ENTHD1: variants seen among roughly 807,000 people sequenced by gnomAD.
ENTHD1 encodes the protein ENTH domain-containing protein 1.
ENTHD1 carries 23 observed loss-of-function variants against 39.1 expected under a neutral mutation model. The ratio of observed to expected loss-of-function variants is 0.59; its 90% CI spans 0.42 to 0.83. ENTHD1 has a LOEUF of 0.83. ENTHD1 is among the 40% of genes least tolerant of loss of function. ENTHD1 has a pLI of 0.00. For synonymous variants in ENTHD1, 230 were observed against 258.2 expected (o/e 0.89, Z 1.05); for missense variants, 624 against 705.4 (o/e 0.88, Z 1.31).
chr22:39,767,275 C>T (rs1233671400), intron 5 of ENTHD1, among the ~76,000 whole-genome samples: 3 of 152,140 alleles, frequency 2.0e-5, no homozygotes, highest in Non-Finnish European at 4.4e-5. Flanking sequence ...AAGAACCTCT[C>T]CTAAAATATT....
At chr22:39,790,667 A>G (rs1375516270) in intron 5 of ENTHD1, among the ~76,000 whole-genome samples, 6 of 152,192 alleles carry the variant, frequency 3.9e-5, no homozygotes, top group Non-Finnish European at 7.3e-5. Context: ...CCAAAGAGCT[A>G]CTGGTCAGAT....
intron 3 of ENTHD1, among the ~76,000 whole-genome samples, chr22:39,846,372 T>A (rs889730571): frequency 6.6e-6 from 1 of 151,846 alleles, no homozygotes; most frequent in African/African-American, 2.4e-5. Context: ...AGCTAATTTG[T>A]TTTTTTTCTT....
At chr22:39,886,493 T>G (rs938917024) in intron 2 of ENTHD1, among the ~76,000 whole-genome samples, 1 of 152,186 alleles carries the variant, frequency 6.6e-6, no homozygotes, top group Non-Finnish European at 1.5e-5. Context: ...TGTGTCTGAG[T>G]GGGGAAGGGT....
At chr22:39,866,569 A>G (rs2066183185) in intron 2 of ENTHD1, among the ~76,000 whole-genome samples, 1 of 152,198 alleles carries the variant, frequency 6.6e-6, no homozygotes, top group Non-Finnish European at 1.5e-5. Flanking sequence ...CTCTGCACAG[A>G]CATTAGGGCA....
Position 39,887,612 on chromosome 22 carries a change from T to C in ENTHD1, c.137A>G (p.Asn46Ser), listed in dbSNP as rs766217324. 6.2e-7 allele frequency: 1 copy of C among 1,614,154 alleles called. No individual in the cohort carries two copies. Among genetic ancestry groups the C allele is most frequent in the Admixed American group, 1.7e-5 (1 of 60,032 alleles). ...CATAATCTCTGAGAGAGAAATTGTGTTGAAAGTCAAGTCACTGATATCTAA... is the reference window on the plus strand; with the variant it reads ...CATAATCTCTGAGAGAGAAATTGTGCTGAAAGTCAAGTCACTGATATCTAA... ...LMLDISDLTF[N>S]TISLSEIMNM... is the part of the protein sequence containing the mutation. The change falls in exon 2 of 7, where the codon AAC (asparagine) becomes AGC (serine). Residue 46 changes from asparagine (N) to serine (S), a missense_variant. Transcript: ENST00000325157.
chr22:39,752,551 A>G (rs1043168576), intron 6 of ENTHD1, among the ~76,000 whole-genome samples: 9 of 152,244 alleles, frequency 5.9e-5, no homozygotes, highest in African/African-American at 2.2e-4. Context: ...TTTATGGTAC[A>G]TTAATTAGAT....
At chr22:39,886,222 T>C (rs1319431956) in intron 2 of ENTHD1, among the ~76,000 whole-genome samples, 1 of 151,916 alleles carries the variant, frequency 6.6e-6, no homozygotes, top group Non-Finnish European at 1.5e-5. Context: ...ACTATAGAGA[T>C]GATAAAAAGA....
chr22:39,852,245 C>T lies in ENTHD1; in HGVS notation c.592+9520G>A, dbSNP rs543976917. On this transcript the variant is annotated intron_variant, in intron 3 of 6. Coordinates refer to ENST00000325157, the MANE Select transcript of ENTHD1 (RefSeq NM_152512.4). ...CCTGCAGTCCCAGCTACTTGGGAGG[C>T]TGAGGTAGGAGAATCACCTGAGCCC... 5.3e-5 allele frequency among the ~76,000 whole-genome samples: 8 copies of T among 151,848 alleles called. No homozygotes were observed. In the South Asian group the frequency reaches 1.7e-3, roughly 32 times the overall value.
chr22:39,772,071 C>A (rs2065330681), intron 5 of ENTHD1, among the ~76,000 whole-genome samples: 1 of 152,092 alleles, frequency 6.6e-6, no homozygotes, highest in Non-Finnish European at 1.5e-5. Context: ...AGTCCCCAAG[C>A]TTTTTGGCAC....
chr22:39,834,529 G>A (rs1159118662), intron 4 of ENTHD1, among the ~76,000 whole-genome samples: 1 of 152,170 alleles, frequency 6.6e-6, no homozygotes, highest in East Asian at 1.9e-4. Flanking sequence ...TTTATGCATT[G>A]CTCATGGGAA....
chr22:39,820,038 C>T (rs2065769188), intron 5 of ENTHD1, among the ~76,000 whole-genome samples: 1 of 152,154 alleles, frequency 6.6e-6, no homozygotes, highest in African/African-American at 2.4e-5. Flanking sequence ...GTGACTAATG[C>T]CATCCTTATA....
intron 6 of ENTHD1, among the ~76,000 whole-genome samples, chr22:39,749,377 C>A (rs1160900414): frequency 6.6e-6 from 1 of 152,150 alleles, no homozygotes; most frequent in East Asian, 1.9e-4. Context: ...TGAAGATAGC[C>A]CTGATGAAAT....
At position 39,867,164 on chromosome 22, in the gene ENTHD1, A is replaced by C. The variant is rs550527831; in HGVS notation, c.350-5157T>G. ...ACGATCCACCCACCTCAGCCTCCCA[A>C]AGTGCTGGGATTACAGGCGTGAGCC... On this transcript the variant is annotated intron_variant, in intron 2 of 6. Coordinates refer to ENST00000325157, the MANE Select transcript of ENTHD1 (RefSeq NM_152512.4). The surrounding 1 kb of genome is among the most constrained non-coding windows in gnomAD (Gnocchi z 4.5). Among the ~76,000 whole-genome samples the C allele has an allele frequency of 3.3e-5, 5 of 152,132 alleles. No individual in the cohort carries two copies. The highest frequency in any genetic ancestry group is 2.0e-4 in the Admixed American group (3 of 15,270).
At chr22:39,871,766 G>A (rs2066245817) in intron 2 of ENTHD1, among the ~76,000 whole-genome samples, 1 of 152,128 alleles carries the variant, frequency 6.6e-6, no homozygotes. Context: ...GATTACATTT[G>A]TTGAAAAGGA....
At chr22:39,886,715 T>C (rs150491878) in intron 2 of ENTHD1, among the ~76,000 whole-genome samples, 2 of 152,300 alleles carry the variant, frequency 1.3e-5, no homozygotes, top group Non-Finnish European at 2.9e-5. Context: ...CACTGTAGAA[T>C]ATCAGGCACT....
At chr22:39,866,715 T>A (rs534293804) in intron 2 of ENTHD1, among the ~76,000 whole-genome samples, 1 of 152,246 alleles carries the variant, frequency 6.6e-6, no homozygotes, top group East Asian at 1.9e-4. Context: ...ACTGTCACAG[T>A]ACCTTACCCT....
intron 6 of ENTHD1, among the ~76,000 whole-genome samples, chr22:39,747,462 T>C (rs2065114450): frequency 6.6e-6 from 1 of 152,216 alleles, no homozygotes; most frequent in African/African-American, 2.4e-5. Flanking sequence ...TCATAGAATA[T>C]GATCTTAATC....
chr22:39,884,260 C>T (rs2066363277), intron 2 of ENTHD1, among the ~76,000 whole-genome samples: 1 of 151,850 alleles, frequency 6.6e-6, no homozygotes, highest in Non-Finnish European at 1.5e-5. Flanking sequence ...CTCACTGCAA[C>T]CTTCACCTCC....
At chr22:39,828,444 T>G (rs376819742) in intron 4 of ENTHD1, among the ~76,000 whole-genome samples, 1 of 152,206 alleles carries the variant, frequency 6.6e-6, no homozygotes, top group Non-Finnish European at 1.5e-5. Context: ...CTAACAACTT[T>G]GGTGAGATCA....
Sources: gnomAD v4.1 joint callset for allele counts (sites outside exome capture counted in the v4.1 genomes callset) on GRCh38, gnomAD v4.1.1 for gene constraint, Gnocchi (gnomAD v3.1) non-coding constraint, MANE v1.5 for transcripts, NCBI Gene and HGNC (gene_info 2026-07-23, HGNC 2026-07-21) for gene names.